The following SLC4A4 variants were observed in gnomAD, a reference collection of about 807,000 sequenced individuals.
SLC4A4 encodes the protein electrogenic sodium bicarbonate cotransporter 1.
A neutral mutation model predicts 111.5 loss-of-function variants in SLC4A4; 27 were observed. That is an observed-to-expected ratio of 0.24 (90% CI 0.18 to 0.33). The LOEUF is 0.33. Ranked by LOEUF, SLC4A4 falls within the 10% of genes least tolerant of loss-of-function variation. The probability of loss-of-function intolerance (pLI) is 1.00; values close to 1 mark genes in which losing one functional copy is unlikely to be tolerated. For synonymous variants in SLC4A4, 443 were observed against 463.4 expected (o/e 0.96, Z 0.57); for missense variants, 909 against 1,315.5 (o/e 0.69, Z 4.78).
At chr4:71,448,180 C>T (rs1189210465) in intron 9 of SLC4A4, among the ~76,000 whole-genome samples, 1 of 151,848 alleles carries the variant, frequency 6.6e-6, no homozygotes, top group Non-Finnish European at 1.5e-5. Flanking sequence ...ATTAGCCAGG[C>T]ATGGTGGTGC....
intron 3 of SLC4A4, among the ~76,000 whole-genome samples, chr4:71,311,995 A>C (rs1041293369): frequency 1.2e-4 from 18 of 151,734 alleles, no homozygotes; most frequent in African/African-American, 4.4e-4. Flanking sequence ...TGGTTTTTTG[A>C]AAAGATTAAC....
intron 4 of SLC4A4, among the ~76,000 whole-genome samples, chr4:71,339,942 G>A (rs980776178): frequency 6.6e-6 from 1 of 152,060 alleles, no homozygotes; most frequent in Non-Finnish European, 1.5e-5. Flanking sequence ...TTTTGGCCAG[G>A]TGCAGTGGCT....
At chr4:71,082,519 T>G (rs1742020872) in intron 1 of SLC4A4, among the ~76,000 whole-genome samples, 1 of 152,110 alleles carries the variant, frequency 6.6e-6, no homozygotes, top group Non-Finnish European at 1.5e-5. Flanking sequence ...ATCAGTGTCT[T>G]TCCAATGGTC....
intron 1 of SLC4A4, 53 bp downstream of exon 1, chr4:71,187,454 C>G (rs535458388): frequency 5.0e-4 from 76 of 152,514 alleles, no homozygotes; most frequent in African/African-American, 1.8e-3. Flanking sequence ...TCCCTCGCTC[C>G]AAGGCGGAGG....
intron 1 of SLC4A4, among the ~76,000 whole-genome samples, chr4:71,215,130 C>T (rs561184443): frequency 2.0e-5 from 3 of 152,312 alleles, no homozygotes; most frequent in African/African-American, 4.8e-5. Flanking sequence ...GCTATTACAA[C>T]GGTATCACAA....
At chr4:71,262,101 C>A (rs1487811401) in intron 3 of SLC4A4, among the ~76,000 whole-genome samples, 1 of 152,026 alleles carries the variant, frequency 6.6e-6, no homozygotes, top group African/African-American at 2.4e-5. Context: ...AGGCAGGAAG[C>A]TTGAATGTGT....
chr4:71,512,417 A>G (rs1004923625), intron 16 of SLC4A4, among the ~76,000 whole-genome samples: 7 of 152,064 alleles, frequency 4.6e-5, no homozygotes, highest in Admixed American at 3.9e-4. Flanking sequence ...ATTTTTTCAT[A>G]TACCTGTTGG....
chr4:71,370,716 T>A (rs950210278), intron 6 of SLC4A4, among the ~76,000 whole-genome samples: 1 of 152,244 alleles, frequency 6.6e-6, no homozygotes, highest in African/African-American at 2.4e-5. Context: ...AAAGTTCTTA[T>A]AGAAATTGCT....
intron 1 of SLC4A4, among the ~76,000 whole-genome samples, chr4:71,190,448 G>C (rs528365683): frequency 6.6e-6 from 1 of 151,382 alleles, no homozygotes; most frequent in African/African-American, 2.4e-5. Context: ...CTCATTTGTA[G>C]AGGTGGCTGA....
At chr4:71,126,567 A>T (rs144790167) in intron 2 of SLC4A4, among the ~76,000 whole-genome samples, 1 of 152,206 alleles carries the variant, frequency 6.6e-6, no homozygotes, top group Non-Finnish European at 1.5e-5. Context: ...TGATTGTAGT[A>T]TTGCTACAGG....
chr4:71,314,398 C>T (rs1726492126), intron 3 of SLC4A4, among the ~76,000 whole-genome samples: 1 of 152,054 alleles, frequency 6.6e-6, no homozygotes, highest in Admixed American at 6.6e-5. Context: ...AACATTTGAC[C>T]CAGCAATCCC....
chr4:71,111,361 T>C (rs999710587), intron 2 of SLC4A4, among the ~76,000 whole-genome samples: 5 of 151,988 alleles, frequency 3.3e-5, no homozygotes, highest in Non-Finnish European at 7.4e-5. Flanking sequence ...TTCTTCTTAA[T>C]CTCTATTTAT....
At chr4:71,086,681 G>C (rs1487217798) in intron 1 of SLC4A4, among the ~76,000 whole-genome samples, 3 of 151,960 alleles carry the variant, frequency 2.0e-5, no homozygotes, top group African/African-American at 7.3e-5. Context: ...TTTTGTCTTT[G>C]GTTCTGTTTA....
intron 2 of SLC4A4, among the ~76,000 whole-genome samples, chr4:71,141,625 C>A (rs1358622812): frequency 6.6e-6 from 1 of 152,164 alleles, no homozygotes; most frequent in Admixed American, 6.5e-5. Context: ...ACCACATGGC[C>A]ATAAATAAAT....
rs980654255 is a variant in SLC4A4, at chr4:71,211,769, C to T, written c.-2+24368C>T. On this transcript the variant is annotated intron_variant, in intron 1 of 25. Coordinates refer to ENST00000264485, the MANE Select transcript of SLC4A4 (RefSeq NM_001098484.3). ...TAGTAATAGTGTCACTTGAATTTATCTGTTTTTTTTTTTTTTTTTTTTGTG... is the reference window on the plus strand; with the variant it reads ...TAGTAATAGTGTCACTTGAATTTATTTGTTTTTTTTTTTTTTTTTTTTGTG... 2.1e-4 allele frequency among the ~76,000 whole-genome samples: 12 copies of T among 56,998 alleles called. No homozygotes were observed. The Admixed American group carries it at 2.9e-3, about 14-fold the overall frequency. The allele number at this position is 56,998 out of a possible 152,430, so 37.4% of individuals were successfully genotyped here. A position where few individuals can be genotyped will look rare whatever the true frequency, so the allele number is the denominator to read the frequency against.
chr4:71,310,446 T>C (rs749423763), intron 3 of SLC4A4, among the ~76,000 whole-genome samples: 61 of 152,270 alleles, frequency 4.0e-4, no homozygotes, highest in Non-Finnish European at 6.8e-4. Flanking sequence ...GAGAAAGGTC[T>C]GGTTACCTAC....
chr4:71,528,646 C>A (rs530481843), intron 16 of SLC4A4, among the ~76,000 whole-genome samples: 2 of 151,852 alleles, frequency 1.3e-5, no homozygotes, highest in Admixed American at 1.3e-4. Context: ...TATATATGTG[C>A]AAAGATTTTT....
At chr4:71,556,365 T>G (rs1736476953) in intron 21 of SLC4A4, among the ~76,000 whole-genome samples, 1 of 151,994 alleles carries the variant, frequency 6.6e-6, no homozygotes, top group South Asian at 2.1e-4. Flanking sequence ...ATATTCTTTA[T>G]TTCCCAAAAT....
chr4:71,353,141 G>A (rs1729990960), intron 5 of SLC4A4, among the ~76,000 whole-genome samples: 1 of 152,186 alleles, frequency 6.6e-6, no homozygotes. Context: ...GGTTAGCCAA[G>A]CATTTTGTGG....
Sources: allele counts gnomAD v4.1 joint callset (sites outside exome capture counted in the v4.1 genomes callset), GRCh38; gene constraint gnomAD v4.1.1; transcripts MANE v1.5; gene names NCBI Gene and HGNC (gene_info 2026-07-23, HGNC 2026-07-21).